KAT6B: variants seen among roughly 807,000 people sequenced by gnomAD.
KAT6B encodes the protein lysine acetyltransferase 6B.
A neutral mutation model predicts 187.5 loss-of-function variants in KAT6B; 10 were observed. That is an observed-to-expected ratio of 0.05 (90% CI 0.03 to 0.09). The LOEUF is 0.09. Ranked by LOEUF, KAT6B falls within the 10% of genes least tolerant of loss-of-function variation. The pLI is 1.00. For missense variants in KAT6B, 1,952 were observed against 2,558.9 expected (o/e 0.76, Z 5.12); for synonymous variants, 861 against 926.8 (o/e 0.93, Z 1.29).
At chr10:74,839,821 T>C (rs1452136155) in intron 2 of KAT6B, among the ~76,000 whole-genome samples, 4 of 152,234 alleles carry the variant, frequency 2.6e-5, no homozygotes, top group African/African-American at 9.6e-5. Context: ...TGTTCTATCC[T>C]GAAAGTGGTT....
chr10:74,970,297 G>GTA (rs1276292625), intron 6 of KAT6B, among the ~76,000 whole-genome samples, 196 bp downstream of exon 6: 5 of 151,080 alleles, frequency 3.3e-5, no homozygotes, highest in African/African-American at 7.3e-5. Context: ...ATATATATGT[G>GTA]TATATATATA....
chr10:74,826,171 C>A (rs1017426894), upstream of KAT6B, among the ~76,000 whole-genome samples: 1 of 152,146 alleles, frequency 6.6e-6, no homozygotes, highest in African/African-American at 2.4e-5. Flanking sequence ...GAAAAGGCCT[C>A]CTGATTGGCG....
intron 3 of KAT6B, among the ~76,000 whole-genome samples, chr10:74,905,064 T>C (rs1222818724): frequency 6.6e-6 from 1 of 152,186 alleles, no homozygotes; most frequent in East Asian, 1.9e-4. Flanking sequence ...TATTTCTTAT[T>C]TATATCCTGC....
At chr10:74,847,025 C>T (rs938385091) in intron 3 of KAT6B, among the ~76,000 whole-genome samples, 1 of 152,010 alleles carries the variant, frequency 6.6e-6, no homozygotes, top group African/African-American at 2.4e-5. Context: ...TAACCTTGCC[C>T]GTCATTTCTT....
rs1338699123 is a variant in KAT6B, at chr10:74,969,694, A to G, written c.765A>G (p.Leu255=). The G allele has an allele frequency of 1.2e-5, 20 of 1,613,852 alleles. No homozygotes were observed. Among genetic ancestry groups the G allele is most frequent in the Non-Finnish European group, 1.4e-5 (17 of 1,179,810 alleles). Residue 255 remains leucine, a synonymous_variant, in exon 5 of 18, where the codon TTA becomes TTG. Coordinates refer to ENST00000287239, the MANE Select transcript of KAT6B (RefSeq NM_012330.4). ...HPSCLKFCPE[L]TTNVKALRWQ... is the part of the protein sequence containing the mutation. ...CCTGTTTGAAATTTTGTCCTGAATT[A>G]ACAACAAATGTAAAGGCCTTAAGGT...
chr10:74,989,639 G>A (rs766760800), intron 13 of KAT6B, among the ~76,000 whole-genome samples: 1 of 152,050 alleles, frequency 6.6e-6, no homozygotes. Context: ...TTAATACAGT[G>A]TTTGTATCTA....
At chr10:74,915,104 A>T (rs966915007) in intron 3 of KAT6B, among the ~76,000 whole-genome samples, 5 of 150,398 alleles carry the variant, frequency 3.3e-5, no homozygotes, top group African/African-American at 1.2e-4. Flanking sequence ...TGTTTCCTTT[A>T]AAAAAAAAAT....
intron 1 of KAT6B, among the ~76,000 whole-genome samples, chr10:74,837,108 A>G (rs1313823616): frequency 1.3e-5 from 2 of 152,302 alleles, no homozygotes; most frequent in South Asian, 2.1e-4. Context: ...ATGATCCAGG[A>G]TATTTTGACT....
At chr10:74,902,649 G>A (rs1846480714) in intron 3 of KAT6B, among the ~76,000 whole-genome samples, 1 of 152,034 alleles carries the variant, frequency 6.6e-6, no homozygotes, top group Admixed American at 6.6e-5. Context: ...TAGAATCATA[G>A]TGGTAACATT....
At chr10:74,985,495 C>T (rs900882341) in intron 12 of KAT6B, among the ~76,000 whole-genome samples, 1 of 152,156 alleles carries the variant, frequency 6.6e-6, no homozygotes, top group South Asian at 2.1e-4. Flanking sequence ...GACCACTTAG[C>T]GTCTTTGATT....
At chr10:74,828,512 T>C (rs1483757375) in intron 1 of KAT6B, among the ~76,000 whole-genome samples, 1 of 151,700 alleles carries the variant, frequency 6.6e-6, no homozygotes, top group African/African-American at 2.4e-5. Flanking sequence ...CCTAGATTTT[T>C]TGGCATAGCC....
intron 3 of KAT6B, among the ~76,000 whole-genome samples, chr10:74,860,777 C>A (rs1000924970): frequency 6.6e-6 from 1 of 152,170 alleles, no homozygotes; most frequent in African/African-American, 2.4e-5. Context: ...GCAGGAGGAT[C>A]ACTTGAGGCC....
At chr10:74,847,992 C>T (rs925897610) in intron 3 of KAT6B, among the ~76,000 whole-genome samples, 1 of 151,310 alleles carries the variant, frequency 6.6e-6, no homozygotes, top group African/African-American at 2.4e-5. Flanking sequence ...AATCATGGCC[C>T]ACTGCAACCT....
chr10:74,873,460 A>C (rs1844165233), intron 3 of KAT6B, among the ~76,000 whole-genome samples: 1 of 151,734 alleles, frequency 6.6e-6, no homozygotes, highest in Non-Finnish European at 1.5e-5. Flanking sequence ...AAAATAAATA[A>C]ATAAATAAAT....
intron 3 of KAT6B, among the ~76,000 whole-genome samples, chr10:74,880,496 C>T (rs1027918542): frequency 6.6e-6 from 1 of 152,164 alleles, no homozygotes; most frequent in African/African-American, 2.4e-5. Flanking sequence ...GATGGTTCTA[C>T]TTTCTGGCTA....
At chr10:74,959,035 T>TATAAATAAATAAATAA (rs10652616) in intron 3 of KAT6B, among the ~76,000 whole-genome samples, 1,596 of 144,472 alleles carry the variant, frequency 0.011, 31 homozygotes, top group African/African-American at 0.039. Flanking sequence ...AGACTCTGTC[T>TATAAATAAATAAATAA]ATAAATAAAT....
At chr10:74,863,700 T>G (rs1360981808) in intron 3 of KAT6B, among the ~76,000 whole-genome samples, 1 of 152,204 alleles carries the variant, frequency 6.6e-6, no homozygotes, top group Non-Finnish European at 1.5e-5. Flanking sequence ...ACTAATGACT[T>G]GGACATTTTA....
In KAT6B at chr10:74,979,268, T is replaced by G. The variant is rs1842360141; in HGVS notation, c.2160T>G (p.Pro720=). ...GGGTGGAAGACTGTGGCCGGTACCC[T>G]TCTGTGATTGAATTTGGTAAATATG... ...ESGVEDCGRY[P]SVIEFGKYEI... is the part of the protein sequence containing the mutation. The change falls in exon 10 of 18, where the codon CCT becomes CCG. Residue 720 remains proline, a synonymous_variant. Coordinates refer to ENST00000287239, the MANE Select transcript of KAT6B (RefSeq NM_012330.4). 6.2e-7 allele frequency: 1 copy of G among 1,613,888 alleles called. No homozygotes were observed. Among genetic ancestry groups the G allele is most frequent in the African/African-American group, 1.3e-5 (1 of 74,908 alleles).
intron 3 of KAT6B, among the ~76,000 whole-genome samples, chr10:74,893,457 G>GTTTTTTTTTTT (rs34203053): frequency 6.9e-6 from 1 of 145,328 alleles, no homozygotes; most frequent in Non-Finnish European, 1.5e-5. Context: ...AAATCAGTGG[G>GTTTTTTTTTTT]TTTTTTTTTT....
Sources: gnomAD v4.1 joint callset for allele counts (sites outside exome capture counted in the v4.1 genomes callset) on GRCh38, gnomAD v4.1.1 for gene constraint, MANE v1.5 for transcripts, NCBI Gene and HGNC (gene_info 2026-07-23, HGNC 2026-07-21) for gene names.